Variants in NPRL3 observed in about 807,000 individuals in gnomAD.
NPRL3 encodes GATOR1 complex protein NPRL3.
Under a neutral mutation model 57.2 loss-of-function variants are expected in NPRL3, and 23 were observed. The ratio of observed to expected loss-of-function variants is 0.40; its 90% confidence interval spans 0.29 to 0.57. The LOEUF is 0.57. NPRL3 is among the 20% of genes least tolerant of loss of function. The probability of loss-of-function intolerance (pLI) is 0.42; values close to 1 mark genes in which losing one functional copy is unlikely to be tolerated. For synonymous variants in NPRL3, 333 were observed against 321.1 expected (o/e 1.04, Z -0.39); for missense variants, 691 against 767.1 (o/e 0.90, Z 1.17).
chr16:136,600 G>A (rs909942611), intron 2 of NPRL3, among the ~76,000 whole-genome samples: 3 of 151,510 alleles, frequency 2.0e-5, no homozygotes, highest in Non-Finnish European at 4.4e-5. Context: ...GCTGAGGCAG[G>A]AGAATTGCTT....
chr16:85,400 GGGGACGGGGCTTGCGTCTTGC>G lies in NPRL3; in HGVS notation c.*1284_*1304del. The G allele has an allele frequency of 6.2e-7, 1 of 1,600,526 alleles. No homozygotes were observed. On this transcript the variant is annotated 3_prime_UTR_variant, in exon 14 of 14. Coordinates refer to ENST00000611875, the MANE Select transcript of NPRL3 (RefSeq NM_001077350.3). Reference sequence around the variant, plus strand: ...CCACTTCCAAACTGTCCGTCCCACAGGGGACGGGGCTTGCGTCTTGCTGCGAGCACTGGAGCCCCTGGAAGG... The same window carrying G: ...CCACTTCCAAACTGTCCGTCCCACAGTGCGAGCACTGGAGCCCCTGGAAGG...
intron 2 of NPRL3, among the ~76,000 whole-genome samples, chr16:137,679 A>G (rs1363974558): frequency 6.6e-6 from 1 of 151,576 alleles, no homozygotes; most frequent in Non-Finnish European, 1.5e-5. Context: ...CCTCCCAAGT[A>G]GCTAGGATTA....
intron 3 of NPRL3, among the ~76,000 whole-genome samples, chr16:128,342 A>G (rs1246776570): frequency 2.6e-5 from 4 of 152,244 alleles, no homozygotes; most frequent in Non-Finnish European, 5.9e-5. Context: ...AATAGTGAGC[A>G]GCACGGCTGT....
intron 8 of NPRL3, among the ~76,000 whole-genome samples, chr16:98,735 C>A (rs903091984): frequency 1.3e-5 from 2 of 152,196 alleles, no homozygotes; most frequent in Non-Finnish European, 2.9e-5. Context: ...GTCAGGAGTT[C>A]GAGGCCAGCC....
intron 11 of NPRL3, chr16:90,192 G>A (rs928484929): frequency 1.0e-4 from 43 of 415,468 alleles, no homozygotes; most frequent in Middle Eastern, 1.2e-3. Flanking sequence ...GACCTGAGAC[G>A]TGGAGGCCCC....
chr16:138,109 G>T, intron 2 of NPRL3, 41 bp downstream of exon 2: 1 of 1,492,248 alleles, frequency 6.7e-7, no homozygotes, highest in Non-Finnish European at 9.1e-7. Context: ...GGAATGAGGC[G>T]GCCCCCGCGA....
chr16:133,118 C>T (rs780001003), intron 2 of NPRL3, among the ~76,000 whole-genome samples: 5 of 152,232 alleles, frequency 3.3e-5, no homozygotes, highest in Admixed American at 6.5e-5. Context: ...CTGGATTAGG[C>T]TTTGGTTTAA....
At chr16:123,197 G>T (rs1454526664) in intron 3 of NPRL3, among the ~76,000 whole-genome samples, 1 of 152,142 alleles carries the variant, frequency 6.6e-6, no homozygotes, top group Admixed American at 6.6e-5. Context: ...ACCCTCACAG[G>T]ACTACTTGTG....
chr16:100,303 TAA>T, intron 8 of NPRL3, 67 bp downstream of exon 8: 1 of 1,377,292 alleles, frequency 7.3e-7, no homozygotes, highest in Non-Finnish European at 9.5e-7. Flanking sequence ...AAGTAAGTGG[TAA>T]AATCTCAGGC....
At chr16:127,796 A>C (rs917822871) in intron 3 of NPRL3, among the ~76,000 whole-genome samples, 3 of 151,324 alleles carry the variant, frequency 2.0e-5, no homozygotes, top group African/African-American at 7.3e-5. Flanking sequence ...CTGGGACTAC[A>C]GGCGCCCGCC....
chr16:96,875 TACTCTC>T (rs1198997156), intron 9 of NPRL3, among the ~76,000 whole-genome samples: 1 of 152,126 alleles, frequency 6.6e-6, no homozygotes, highest in Non-Finnish European at 1.5e-5. Context: ...GCGGGAGACT[TACTCTC>T]AAAGACAGAA....
intron 2 of NPRL3, among the ~76,000 whole-genome samples, chr16:137,551 CT>C (rs72083020): frequency 1.7e-3 from 242 of 141,702 alleles, no homozygotes; most frequent in Non-Finnish European, 1.6e-3. Flanking sequence ...GTTCACGTAA[CT>C]TTTTTTTTTT....
chr16:102,309 C>A (rs1899334135), intron 7 of NPRL3, among the ~76,000 whole-genome samples: 1 of 152,240 alleles, frequency 6.6e-6, no homozygotes, highest in South Asian at 2.1e-4. Context: ...GGAGATGCAA[C>A]TGCTCAAGCA....
chr16:101,790 G>T (rs898305137), intron 7 of NPRL3, among the ~76,000 whole-genome samples: 3 of 152,228 alleles, frequency 2.0e-5, no homozygotes. Flanking sequence ...CCTGGCATTT[G>T]CCCTTGCCCA....
In NPRL3 at chr16:85,513, C is replaced by CA; in HGVS notation, c.*1191_*1192insT. On this transcript the variant is annotated 3_prime_UTR_variant, in exon 14 of 14. Transcript: ENST00000611875. ...GCACCGCCAGCCGTGTCCTCAAGGACCGCGAGCTCTGCAGTGGCCCCTCCA... is the reference window on the plus strand; with the variant it reads ...GCACCGCCAGCCGTGTCCTCAAGGACACGCGAGCTCTGCAGTGGCCCCTCCA... 1 of 1,613,388 alleles carries CA rather than the reference C, an allele frequency of 6.2e-7. No individual in the cohort carries two copies. Among genetic ancestry groups the CA allele is most frequent in the East Asian group, 2.2e-5 (1 of 44,884 alleles).
Position 100,466 on chromosome 16 carries a change from G to A in NPRL3, c.673C>T (p.Leu225=). ...GVVRLHINSW[L]EVSFCLPHKI... Reference sequence around the variant, plus strand: ...TGGGGCAGGCAGAAGCTCACCTCCAGCCAGCTGTTGATGTGAAGCCGAACT... The same window carrying A: ...TGGGGCAGGCAGAAGCTCACCTCCAACCAGCTGTTGATGTGAAGCCGAACT... Residue 225 remains leucine (L), a synonymous_variant, in exon 8 of 14, where the codon CTG becomes TTG. Transcript: ENST00000611875. The A allele has an allele frequency of 6.2e-7, 1 of 1,602,800 alleles. No homozygotes were observed. Among genetic ancestry groups the A allele is most frequent in the South Asian group, 1.1e-5 (1 of 89,140 alleles).
At chr16:117,519 C>T (rs776390193) in intron 4 of NPRL3, 144 bp from the exon 5 acceptor site, 59 of 616,048 alleles carry the variant, frequency 9.6e-5, no homozygotes, top group Middle Eastern at 8.4e-4. Flanking sequence ...GCTCTGGAGG[C>T]GTGCCTACTG....
chr16:110,137 C>CGG (rs1899731328), intron 7 of NPRL3, among the ~76,000 whole-genome samples: 2 of 152,190 alleles, frequency 1.3e-5, no homozygotes, highest in South Asian at 4.1e-4. Context: ...GGTGTGGTGG[C>CGG]GCATGCCTGT....
intron 3 of NPRL3, among the ~76,000 whole-genome samples, chr16:121,797 G>A (rs973224860): frequency 1.3e-5 from 2 of 151,760 alleles, no homozygotes; most frequent in Non-Finnish European, 2.9e-5. Context: ...TTTTTGAGAC[G>A]AAGTCTTGCT....
Sources: allele counts gnomAD v4.1 joint callset (sites outside exome capture counted in the v4.1 genomes callset), GRCh38; gene constraint gnomAD v4.1.1; transcripts MANE v1.5; gene names NCBI Gene and HGNC (gene_info 2026-07-23, HGNC 2026-07-21).